Variants in IGSF11 observed in about 807,000 individuals in gnomAD.
IGSF11 encodes the protein CXADR like 1.
Under a neutral mutation model 41.0 loss-of-function variants are expected in IGSF11, and 22 were observed. That is an observed-to-expected ratio of 0.54 (90% CI 0.38 to 0.77). IGSF11 has a LOEUF of 0.77. IGSF11 is among the 30% of genes least tolerant of loss of function. IGSF11 has a pLI of 0.00. For missense variants in IGSF11, 444 were observed against 530.8 expected, an observed-to-expected ratio of 0.84 and a Z score of 1.61; for synonymous variants, 219 against 201.3, an observed-to-expected ratio of 1.09 and a Z score of -0.74.
intron 1 of IGSF11, among the ~76,000 whole-genome samples, chr3:119,093,300 G>A (rs1018038583): frequency 1.3e-5 from 2 of 152,014 alleles, no homozygotes; most frequent in African/African-American, 2.4e-5. Flanking sequence ...GGATTACACT[G>A]CATCAGCTTC....
upstream of IGSF11, among the ~76,000 whole-genome samples, chr3:119,105,817 A>G (rs1210198480): frequency 1.3e-5 from 2 of 152,108 alleles, no homozygotes; most frequent in East Asian, 3.9e-4. Flanking sequence ...GCCTACCACC[A>G]CAAAATAGGG....
rs781503222 is a variant in IGSF11 at position 119,120,120 on chromosome 3, C to T, written c.-13-14915G>A. Among the ~76,000 whole-genome samples the T allele has an allele frequency of 4.5e-4, 68 of 152,276 alleles. 1 individual carries two copies. Among genetic ancestry groups the T allele is most frequent in the East Asian group, 5.8e-4 (3 of 5,178 alleles). On this transcript the variant is annotated intron_variant, in intron 1 of 7. Transcript: ENST00000425327. ...AATAAAGCAGTCTTAAAGTGCCTGA[C>T]GGCTGGAGGCATGATATCTCACACA...
chr3:119,122,913 T>G (rs2077352762), intron 1 of IGSF11, among the ~76,000 whole-genome samples: 1 of 152,136 alleles, frequency 6.6e-6, no homozygotes. Flanking sequence ...ACACAGCATA[T>G]TCCCAGCTGT....
chr3:118,948,814 T>A (rs1227201792), intron 1 of IGSF11, among the ~76,000 whole-genome samples: 1 of 149,144 alleles, frequency 6.7e-6, no homozygotes, highest in Admixed American at 6.7e-5. Flanking sequence ...AAATAAAAAA[T>A]AAAAAAAAAT....
chr3:118,997,972 C>G (rs903593445), intron 1 of IGSF11, among the ~76,000 whole-genome samples: 2 of 152,122 alleles, frequency 1.3e-5, no homozygotes, highest in African/African-American at 4.8e-5. Flanking sequence ...ATCCAATATC[C>G]CTTTTCCTCC....
chr3:119,114,636 C>A (rs1418082583), intron 1 of IGSF11, among the ~76,000 whole-genome samples: 2 of 152,226 alleles, frequency 1.3e-5, no homozygotes, highest in East Asian at 1.9e-4. Context: ...AATAGTTTAA[C>A]AAGTCTCTAG....
At chr3:118,970,269 A>C (rs1376459337) in intron 1 of IGSF11, among the ~76,000 whole-genome samples, 1 of 152,242 alleles carries the variant, frequency 6.6e-6, no homozygotes, top group Non-Finnish European at 1.5e-5. Context: ...TCCTGAAAAA[A>C]ATAATTCCTA....
intron 1 of IGSF11, among the ~76,000 whole-genome samples, chr3:118,977,784 T>C (rs1934281571): frequency 2.0e-5 from 3 of 152,116 alleles, no homozygotes; most frequent in Non-Finnish European, 4.4e-5. Flanking sequence ...ACGAAGGCAC[T>C]GTTCCAGACC....
chr3:119,091,758 T>C (rs2076764138), intron 1 of IGSF11, among the ~76,000 whole-genome samples: 1 of 152,092 alleles, frequency 6.6e-6, no homozygotes, highest in African/African-American at 2.4e-5. Flanking sequence ...CTGTGCTCAT[T>C]ACCTGGGTGA....
chr3:119,073,979 T>C (rs1307004344), intron 1 of IGSF11, among the ~76,000 whole-genome samples: 1 of 152,178 alleles, frequency 6.6e-6, no homozygotes, highest in African/African-American at 2.4e-5. Context: ...CATCTAAATA[T>C]ATATGGACCC....
intron 1 of IGSF11, among the ~76,000 whole-genome samples, chr3:119,080,617 G>T (rs1054181012): frequency 6.6e-6 from 1 of 152,194 alleles, no homozygotes; most frequent in East Asian, 1.9e-4. Context: ...GAGATGTGAA[G>T]TTGATAATTT....
At chr3:118,982,840 A>G (rs1227731289) in intron 1 of IGSF11, among the ~76,000 whole-genome samples, 3 of 152,200 alleles carry the variant, frequency 2.0e-5, no homozygotes, top group African/African-American at 7.2e-5. Context: ...ACAAACTCGC[A>G]GCAGTTTTAC....
chr3:119,104,649 A>G (rs2076991697), intron 1 of IGSF11, among the ~76,000 whole-genome samples: 1 of 152,218 alleles, frequency 6.6e-6, no homozygotes. Flanking sequence ...TGAAACTTGT[A>G]TAAGGAAACA....
intron 1 of IGSF11, among the ~76,000 whole-genome samples, chr3:118,976,648 T>C (rs1934141885): frequency 6.6e-6 from 1 of 152,194 alleles, no homozygotes; most frequent in Non-Finnish European, 1.5e-5. Context: ...ATAGTGAACA[T>C]TCTGAAAACT....
chr3:119,107,817 T>A (rs1431502322), upstream of IGSF11, among the ~76,000 whole-genome samples: 1 of 151,276 alleles, frequency 6.6e-6, no homozygotes, highest in Non-Finnish European at 1.5e-5. Context: ...GCTAGCCAGT[T>A]TTCCCAGCAC....
At chr3:118,998,689 T>C (rs1936510635) in intron 1 of IGSF11, among the ~76,000 whole-genome samples, 1 of 152,170 alleles carries the variant, frequency 6.6e-6, no homozygotes, top group Non-Finnish European at 1.5e-5. Flanking sequence ...ATACAAGACT[T>C]TCAACTGCTG....
intron 1 of IGSF11, among the ~76,000 whole-genome samples, chr3:119,093,861 T>C (rs1345904979): frequency 6.6e-6 from 1 of 152,122 alleles, no homozygotes; most frequent in Non-Finnish European, 1.5e-5. Flanking sequence ...TAACTTGAAG[T>C]GAATATATGG....
At chr3:118,931,883 C>T (rs1366378589) in intron 1 of IGSF11, among the ~76,000 whole-genome samples, 1 of 152,116 alleles carries the variant, frequency 6.6e-6, no homozygotes, top group South Asian at 2.1e-4. Context: ...CAGGCGCCCG[C>T]CACCATGCCC....
upstream of IGSF11, among the ~76,000 whole-genome samples, chr3:119,037,565 G>T (rs564240230): frequency 6.6e-6 from 1 of 152,298 alleles, no homozygotes; most frequent in South Asian, 2.1e-4. Context: ...GTGGAGAGGG[G>T]AATGATCAGG....
Sources: gnomAD v4.1 joint callset for allele counts (sites outside exome capture counted in the v4.1 genomes callset) on GRCh38, gnomAD v4.1.1 for gene constraint, MANE v1.5 for transcripts, NCBI Gene and HGNC (gene_info 2026-07-23, HGNC 2026-07-21) for gene names.